Variants in LRRK1 observed in about 807,000 individuals in gnomAD.
The protein encoded by LRRK1 is leucine rich repeat kinase 1.
LRRK1 carries 113 observed loss-of-function variants against 209.1 expected under a neutral mutation model. The ratio of observed to expected loss-of-function variants is 0.54; its 90% CI spans 0.46 to 0.63. The LOEUF is 0.63. Ranked by LOEUF, LRRK1 falls within the 30% of genes least tolerant of loss-of-function variation. The probability of loss-of-function intolerance (pLI) is 0.00; values close to 1 mark genes in which losing one functional copy is unlikely to be tolerated. For synonymous variants in LRRK1, 1,144 were observed against 1,099.7 expected (o/e 1.04, Z -0.80); for missense variants, 2,284 against 2,632.2 (o/e 0.87, Z 2.89).
At chr15:101,053,147 T>G in intron 25 of LRRK1, 59 bp downstream of exon 25, 1 of 1,589,298 alleles carries the variant, frequency 6.3e-7, no homozygotes, top group Non-Finnish European at 8.6e-7. Context: ...GGGTCTAAGC[T>G]CTGTGCGGCC....
In LRRK1 at chr15:101,022,018, T is replaced by C; in HGVS notation, c.1852+61T>C. On this transcript the variant is annotated intron_variant, in intron 14 of 33. Transcript: ENST00000388948. The surrounding 1 kb of genome is among the most constrained non-coding windows in gnomAD (Gnocchi z 4.0). The stretch of plus-strand genomic sequence containing the variant: ...TCTTGGAAAGACAACTCCAGTCCAC[T>C]TGTTAAGTTCTGGGGGTGGAGACAG... The C allele has an allele frequency of 8.2e-7, 1 of 1,223,344 alleles. No homozygotes were observed. The allele number at this position is 1,223,344 out of a possible 1,614,324, so 75.8% of individuals were successfully genotyped here. A position where few individuals can be genotyped will look rare whatever the true frequency, so the allele number is the denominator to read the frequency against.
rs538302849 is a variant in LRRK1, at chr15:101,070,047, T to G, written c.*1199T>G. The G allele has an allele frequency of 1.3e-5, 2 of 152,360 alleles. No homozygotes were observed. The highest frequency in any genetic ancestry group is 4.8e-5 in the African/African-American group (2 of 41,580). The allele number at this position is 152,360 out of a possible 1,614,324, so 9.4% of individuals were successfully genotyped here. On this transcript the variant is annotated 3_prime_UTR_variant, in exon 34 of 34. Coordinates refer to ENST00000388948, the MANE Select transcript of LRRK1 (RefSeq NM_024652.6). ...AAATTAAAAAGATCAAATTTAGTAT[T>G]TGCTGGATATGCAGGGAGATGAGAC...
chr15:101,044,176 A>G (rs1417112263), intron 20 of LRRK1: 2 of 152,432 alleles, frequency 1.3e-5, no homozygotes, highest in Non-Finnish European at 1.5e-5. Flanking sequence ...CTCTCAGAGC[A>G]TGGTTTCCCA....
intron 2 of LRRK1, among the ~76,000 whole-genome samples, chr15:100,962,802 T>TATACATATATATATATATAC (rs1245903596): frequency 5.5e-5 from 1 of 18,132 alleles, no homozygotes; most frequent in Non-Finnish European, 1.6e-4. Flanking sequence ...TGCATATATA[T>TATACATATATATATATATAC]ATATATATAT....
intron 6 of LRRK1, among the ~76,000 whole-genome samples, chr15:101,006,767 C>G (rs992009813): frequency 6.6e-5 from 10 of 152,182 alleles, no homozygotes; most frequent in African/African-American, 2.4e-4. Context: ...GGGCAAAAGC[C>G]TATGTGACAG....
chr15:100,926,426 G>A (rs2141592950), intron 2 of LRRK1, among the ~76,000 whole-genome samples: 1 of 152,158 alleles, frequency 6.6e-6, no homozygotes, highest in South Asian at 2.1e-4. Flanking sequence ...TGTAGGGTAG[G>A]TGACTGTGTC....
At chr15:100,941,410 C>G (rs1398468771) in intron 2 of LRRK1, among the ~76,000 whole-genome samples, 97 of 14,308 alleles carry the variant, frequency 6.8e-3, no homozygotes, top group African/African-American at 0.018. Context: ...CTGTGTGTGT[C>G]TCTGTGTGTG....
chr15:101,028,911 C>A, intron 19 of LRRK1, 45 bp from the exon 20 acceptor site: 5 of 1,598,472 alleles, frequency 3.1e-6, no homozygotes, highest in Non-Finnish European at 3.4e-6. Context: ...GTCCCTTTCG[C>A]TCCTTTGTCT....
Position 101,027,551 on chromosome 15 carries a change from AG to A in LRRK1, c.2527-85del. The A allele has an allele frequency of 6.5e-7, 1 of 1,541,364 alleles. No individual in the cohort carries two copies. On this transcript the variant is annotated intron_variant, in intron 18 of 33. Coordinates refer to ENST00000388948, the MANE Select transcript of LRRK1 (RefSeq NM_024652.6). This position sits in a 1 kb window ranked among gnomAD's most constrained non-coding sequence, Gnocchi z 5.1. ...GTGGGTGGAAACGTCCCACCCCCTC[AG>A]GCCACAGGGGCCGGGCAGGATCTGC...
At chr15:100,998,407 C>T (rs1307407576) in intron 6 of LRRK1, among the ~76,000 whole-genome samples, 1 of 152,110 alleles carries the variant, frequency 6.6e-6, no homozygotes, top group Non-Finnish European at 1.5e-5. Context: ...GGTCACTTGC[C>T]CCCACCCCAA....
intron 2 of LRRK1, among the ~76,000 whole-genome samples, chr15:100,942,625 T>C (rs1304841266): frequency 6.6e-6 from 1 of 152,238 alleles, no homozygotes; most frequent in African/African-American, 2.4e-5. Context: ...TTAATTAACA[T>C]TTTAAATTAA....
intron 32 of LRRK1, 140 bp from the exon 33 acceptor site, chr15:101,066,500 T>C: frequency 1.2e-6 from 1 of 834,570 alleles, no homozygotes. Context: ...TTGAAGTCTG[T>C]CCCCTCCCCA....
At chr15:100,980,355 AAT>A (rs1447486418) in intron 3 of LRRK1, among the ~76,000 whole-genome samples, 3 of 152,210 alleles carry the variant, frequency 2.0e-5, no homozygotes, top group Non-Finnish European at 2.9e-5. Flanking sequence ...ACATTCTCAA[AAT>A]GACAAAATTT....
At position 101,051,925 on chromosome 15, in the gene LRRK1, G is replaced by T; in HGVS notation, c.3654G>T (p.Leu1218=). Residue 1218 remains leucine, a synonymous_variant, in exon 24 of 34, where the codon CTG becomes CTT. Transcript: ENST00000388948. ...ACCTCCCCGTGCCGCTGCAGGAGCT[G>T]GTCCCTGAACTGTTCATGACCGACT... The part of the protein sequence containing the change: ...HPDLPVPLQE[L]VPELFMTDFP... 6.2e-7 allele frequency: 1 copy of T among 1,613,924 alleles called. No individual in the cohort carries two copies. The highest frequency in any genetic ancestry group is 8.5e-7 in the Non-Finnish European group (1 of 1,180,014).
intron 23 of LRRK1, 103 bp from the exon 24 acceptor site, chr15:101,051,608 C>T: frequency 1.1e-5 from 16 of 1,438,632 alleles, no homozygotes; most frequent in Non-Finnish European, 1.5e-5. Context: ...ACAGGCAGCT[C>T]CCCTGCTGCG....
At position 101,062,254 on chromosome 15, in the gene LRRK1, T is replaced by G. The variant is rs368933914; in HGVS notation, c.4798-320T>G. On this transcript the variant is annotated intron_variant, in intron 30 of 33. Coordinates refer to ENST00000388948, the MANE Select transcript of LRRK1 (RefSeq NM_024652.6). ...TGAGAAGACAGCATTGCGGCGTGAG[T>G]CCACTTTGCCAGTACCAGGTGCACA... The G allele has an allele frequency of 2.1e-4, 53 of 258,152 alleles. 2 individuals carry two copies. The highest frequency in any genetic ancestry group is 1.1e-3 in the Admixed American group (22 of 19,294). The allele number at this position is 258,152 out of a possible 1,614,324, so 16.0% of individuals were successfully genotyped here.
intron 2 of LRRK1, among the ~76,000 whole-genome samples, chr15:100,949,458 A>G (rs1239407746): frequency 1.3e-5 from 2 of 152,202 alleles, no homozygotes; most frequent in Non-Finnish European, 2.9e-5. Flanking sequence ...CATTTAAAGA[A>G]GAGTTAACAT....
intron 24 of LRRK1, 40 bp from the exon 25 acceptor site, chr15:101,052,882 G>A: frequency 6.3e-7 from 1 of 1,591,858 alleles, no homozygotes. Flanking sequence ...ACCCGCATCA[G>A]GGCGGGGGGG....
intron 2 of LRRK1, among the ~76,000 whole-genome samples, chr15:100,965,240 G>T (rs2030379053): frequency 6.6e-6 from 1 of 152,178 alleles, no homozygotes; most frequent in South Asian, 2.1e-4. Context: ...TTATGGAAAT[G>T]ATGTTTAAAG....
Sources: allele counts gnomAD v4.1 joint callset (sites outside exome capture counted in the v4.1 genomes callset), GRCh38; gene constraint gnomAD v4.1.1; non-coding constraint Gnocchi (gnomAD v3.1); transcripts MANE v1.5; gene names NCBI Gene and HGNC (gene_info 2026-07-23, HGNC 2026-07-21).